The following DPP10 variants were observed in gnomAD, a reference collection of about 807,000 sequenced individuals.
DPP10 encodes dipeptidyl peptidase like 10.
DPP10 carries 33 observed loss-of-function variants against 120.9 expected under a neutral mutation model. The ratio of observed to expected loss-of-function variants is 0.27; its 90% CI spans 0.21 to 0.37. The LOEUF (loss-of-function observed/expected upper bound fraction) is 0.37. DPP10 is among the 10% of genes least tolerant of loss of function. The pLI, the probability that DPP10 is intolerant of heterozygous loss-of-function variation, is 1.00. For synonymous variants in DPP10, 337 were observed against 326.1 expected, an observed-to-expected ratio of 1.03 and a Z score of -0.36; for missense variants, 816 against 942.8, an observed-to-expected ratio of 0.87 and a Z score of 1.76.
chr2:115,031,356 T>C (rs1703830126), intron 1 of DPP10, among the ~76,000 whole-genome samples: 1 of 152,220 alleles, frequency 6.6e-6, no homozygotes. Flanking sequence ...TAATGAGTTT[T>C]ACCGGATGTC....
intron 19 of DPP10, among the ~76,000 whole-genome samples, chr2:115,804,755 G>T (rs542521669): frequency 5.7e-4 from 87 of 152,302 alleles, no homozygotes; most frequent in African/African-American, 2.0e-3. Flanking sequence ...GGATACTGGT[G>T]AACCGCAAAT....
chr2:115,734,605 G>A (rs1285840887), intron 8 of DPP10, among the ~76,000 whole-genome samples: 3 of 139,312 alleles, frequency 2.2e-5, no homozygotes, highest in African/African-American at 5.5e-5. Flanking sequence ...GCAGTGAGCC[G>A]ATATCATGCC....
intron 5 of DPP10, chr2:115,579,348 T>C (rs1384834890): frequency 1.3e-5 from 2 of 152,228 alleles, no homozygotes; most frequent in Non-Finnish European, 2.9e-5. Flanking sequence ...GTCTCATTTA[T>C]TGAAAACCTA....
intron 1 of DPP10, among the ~76,000 whole-genome samples, chr2:114,631,331 G>C (rs139549987): frequency 6.6e-6 from 1 of 152,072 alleles, no homozygotes; most frequent in East Asian, 1.9e-4. Flanking sequence ...GCCTCCTTCC[G>C]AGACAGCACC....
chr2:115,779,467 AC>A (rs1682496335), intron 15 of DPP10, among the ~76,000 whole-genome samples: 1 of 152,042 alleles, frequency 6.6e-6, no homozygotes, highest in South Asian at 2.1e-4. Context: ...TAGGACTGCT[AC>A]CGTAGTCATT....
intron 1 of DPP10, among the ~76,000 whole-genome samples, chr2:114,784,691 A>G (rs1337778738): frequency 6.6e-6 from 1 of 152,098 alleles, no homozygotes; most frequent in Middle Eastern, 3.2e-3. Flanking sequence ...GGCACCTATC[A>G]CAGTTTCCTG....
chr2:115,327,147 T>C (rs1315254583), intron 2 of DPP10, among the ~76,000 whole-genome samples: 3 of 152,112 alleles, frequency 2.0e-5, no homozygotes, highest in African/African-American at 7.2e-5. Flanking sequence ...TATGTTTCAA[T>C]TGCCTGTGAT....
chr2:114,973,726 T>G (rs1699558478), intron 1 of DPP10, among the ~76,000 whole-genome samples: 1 of 150,178 alleles, frequency 6.7e-6, no homozygotes, highest in Non-Finnish European at 1.5e-5. Flanking sequence ...TAGGAGGTAT[T>G]TCAGCAGGTA....
intron 1 of DPP10, among the ~76,000 whole-genome samples, chr2:114,575,308 A>G (rs1689971241): frequency 6.6e-6 from 1 of 152,094 alleles, no homozygotes. Flanking sequence ...CTATGTTGAG[A>G]TGTGGGTGGC....
Position 114,979,695 on chromosome 2 carries a change from T to C in DPP10, c.61-329544T>C, listed in dbSNP as rs552022246. ...ACTCAGGGTTCATTTTACATTTTTG[T>C]AGCATTCATGGATGAACTACTTTGA... is the stretch of plus-strand genomic sequence containing the variant. On this transcript the variant is annotated intron_variant, in intron 1 of 25. Transcript: ENST00000410059. 5.9e-5 allele frequency among the ~76,000 whole-genome samples: 9 copies of C among 152,202 alleles called. No individual in the cohort carries two copies. In the South Asian group the frequency reaches 1.9e-3, roughly 31 times the overall value.
intron 1 of DPP10, among the ~76,000 whole-genome samples, chr2:115,136,020 A>C (rs2050633396): frequency 6.6e-6 from 1 of 152,162 alleles, no homozygotes; most frequent in Admixed American, 6.5e-5. Flanking sequence ...TTTTTAAAGA[A>C]GTGAGAGGCA....
chr2:115,043,315 T>G (rs2420587), intron 1 of DPP10, among the ~76,000 whole-genome samples: 11 of 152,194 alleles, frequency 7.2e-5, no homozygotes, highest in Non-Finnish European at 1.5e-4. Context: ...AAAAGGTCAG[T>G]CTTACTTGAA....
intron 7 of DPP10, among the ~76,000 whole-genome samples, chr2:115,717,203 T>G (rs948282402): frequency 6.6e-6 from 1 of 152,120 alleles, no homozygotes; most frequent in Admixed American, 6.5e-5. Context: ...GTTAAACTGT[T>G]GCATGTCACT....
intron 1 of DPP10, among the ~76,000 whole-genome samples, chr2:114,523,346 C>T (rs1685232426): frequency 6.6e-6 from 1 of 152,118 alleles, no homozygotes; most frequent in African/African-American, 2.4e-5. Flanking sequence ...GGCTCGACTT[C>T]CATGCTGGGT....
At chr2:115,357,352 G>A (rs2064459182) in intron 3 of DPP10, among the ~76,000 whole-genome samples, 1 of 152,136 alleles carries the variant, frequency 6.6e-6, no homozygotes, top group African/African-American at 2.4e-5. Context: ...ATTGGTCAAG[G>A]GCCTACAGGC....
At chr2:114,598,494 T>C (rs1692106810) in intron 1 of DPP10, among the ~76,000 whole-genome samples, 1 of 151,878 alleles carries the variant, frequency 6.6e-6, no homozygotes, top group Admixed American at 6.6e-5. Context: ...TGTCTATAAC[T>C]GCGTTTCAAA....
intron 1 of DPP10, among the ~76,000 whole-genome samples, chr2:115,038,671 A>G (rs1404348048): frequency 6.6e-6 from 1 of 152,194 alleles, no homozygotes; most frequent in East Asian, 1.9e-4. Flanking sequence ...CACTTTTACT[A>G]CGTATTGATG....
In DPP10 at chr2:115,815,713, T is replaced by G; in HGVS notation, c.1934T>G (p.Leu645Ter). The G allele has an allele frequency of 6.2e-7, 1 of 1,601,316 alleles. No individual in the cohort carries two copies. The highest frequency in any genetic ancestry group is 8.5e-7 in the Non-Finnish European group (1 of 1,172,486). Reference sequence around the variant, plus strand: ...CTGCCTTACATTGACTCCAAAAGATTAAGCATTTTTGGAAAGGTAAATAGT... The same window carrying G: ...CTGCCTTACATTGACTCCAAAAGATGAAGCATTTTTGGAAAGGTAAATAGT... ...LKLPYIDSKRLSIFGKGYGGY... is the reference protein window; with the variant it reads ...LKLPYIDSKR The change falls in exon 21 of 26, where the codon TTA becomes TGA. Residue 645 changes from leucine to a stop codon, truncating the protein, a stop_gained. Transcript: ENST00000410059. LOFTEE classifies it high-confidence loss of function.
intron 5 of DPP10, among the ~76,000 whole-genome samples, chr2:115,685,213 T>C (rs1417393173): frequency 1.3e-5 from 2 of 151,980 alleles, no homozygotes; most frequent in African/African-American, 2.4e-5. Flanking sequence ...GAATCTGGTA[T>C]GTAGTGAAAG....
Sources: allele counts gnomAD v4.1 joint callset (sites outside exome capture counted in the v4.1 genomes callset), GRCh38; gene constraint gnomAD v4.1.1; transcripts MANE v1.5; gene names NCBI Gene and HGNC (gene_info 2026-07-23, HGNC 2026-07-21).